The following NELL1 variants were observed in gnomAD, a reference collection of about 807,000 sequenced individuals.
NELL1 encodes the protein neural EGFL like 1.
A neutral mutation model predicts 107.4 loss-of-function variants in NELL1; 76 were observed. That is an observed-to-expected ratio of 0.71 (90% CI 0.59 to 0.86). The LOEUF (loss-of-function observed/expected upper bound fraction) is 0.86, where lower values mean the gene tolerates loss of function less well. Ranked by LOEUF, NELL1 falls within the 40% of genes least tolerant of loss-of-function variation. NELL1 has a pLI of 0.00. For synonymous variants in NELL1, 353 were observed against 341.2 expected (o/e 1.03, Z -0.38); for missense variants, 1,024 against 1,005.5 (o/e 1.02, Z -0.25).
intron 12 of NELL1, among the ~76,000 whole-genome samples, chr11:21,100,906 G>C (rs1408164520): frequency 6.6e-6 from 1 of 151,902 alleles, no homozygotes; most frequent in Non-Finnish European, 1.5e-5. Flanking sequence ...AGTTACATAT[G>C]TATACATGTG....
intron 7 of NELL1, among the ~76,000 whole-genome samples, chr11:20,925,315 C>G (rs56076989): frequency 1.3e-5 from 2 of 151,882 alleles, no homozygotes; most frequent in Non-Finnish European, 2.9e-5. Flanking sequence ...GAGTATCGCT[C>G]TGTTGCCCAG....
chr11:21,488,512 T>A (rs1374447807), intron 15 of NELL1, among the ~76,000 whole-genome samples: 1 of 152,028 alleles, frequency 6.6e-6, no homozygotes, highest in Non-Finnish European at 1.5e-5. Context: ...TGGTTACTAG[T>A]GGAGGCTGTG....
At chr11:20,705,773 A>G (rs1564871199) in intron 2 of NELL1, among the ~76,000 whole-genome samples, 1 of 150,994 alleles carries the variant, frequency 6.6e-6, no homozygotes, top group Admixed American at 6.6e-5. Flanking sequence ...TCATCTGACA[A>G]AGGGCTAATA....
chr11:20,938,359 G>T lies in NELL1; in HGVS notation c.1071+500G>T, dbSNP rs74976343. Among the ~76,000 whole-genome samples the T allele has an allele frequency of 4.5e-3, 689 of 152,250 alleles. 27 individuals carry two copies. The East Asian group carries it at 0.1, about 22-fold the overall frequency. ...AAAATGCATTAAGCAAATGCTGTAT[G>T]ACAGCATTATAGTAGGTTCTGGATA... On this transcript the variant is annotated intron_variant, in intron 10 of 19. Coordinates refer to ENST00000357134, the MANE Select transcript of NELL1 (RefSeq NM_006157.5).
chr11:21,157,167 G>A (rs967193667), intron 13 of NELL1, among the ~76,000 whole-genome samples: 28 of 150,818 alleles, frequency 1.9e-4, no homozygotes, highest in South Asian at 4.2e-4. Context: ...ATATATGTGT[G>A]TGTGTGTGTG....
At chr11:21,333,891 T>A (rs549042481) in intron 14 of NELL1, among the ~76,000 whole-genome samples, 1 of 152,184 alleles carries the variant, frequency 6.6e-6, no homozygotes, top group Admixed American at 6.5e-5. Context: ...GGAGTTGGTA[T>A]CACTGAATTG....
intron 13 of NELL1, among the ~76,000 whole-genome samples, chr11:21,195,546 T>C (rs1306191021): frequency 7.0e-6 from 1 of 142,842 alleles, no homozygotes; most frequent in Non-Finnish European, 1.5e-5. Flanking sequence ...TATAATTTTC[T>C]GTTAGCCACA....
chr11:21,261,990 G>T (rs1848543116), intron 14 of NELL1, among the ~76,000 whole-genome samples: 1 of 151,734 alleles, frequency 6.6e-6, no homozygotes, highest in Non-Finnish European at 1.5e-5. Flanking sequence ...CGTTAGGTTA[G>T]TATCGTTTAT....
At chr11:20,979,465 T>A (rs769646578) in intron 12 of NELL1, among the ~76,000 whole-genome samples, 12 of 152,222 alleles carry the variant, frequency 7.9e-5, no homozygotes, top group Non-Finnish European at 1.2e-4. Flanking sequence ...GCATGTTTTA[T>A]GATGTTCCCA....
chr11:21,007,322 T>C (rs1416522822), intron 12 of NELL1, among the ~76,000 whole-genome samples: 3 of 152,022 alleles, frequency 2.0e-5, no homozygotes, highest in Non-Finnish European at 1.5e-5. Flanking sequence ...GAAGACATAA[T>C]AACATGTGAC....
chr11:21,252,197 T>A (rs1320611153), intron 14 of NELL1, among the ~76,000 whole-genome samples: 2 of 152,172 alleles, frequency 1.3e-5, no homozygotes, highest in African/African-American at 4.8e-5. Flanking sequence ...CAGGTCTGAC[T>A]TCAAAGTTCA....
At chr11:21,561,695 G>T (rs1427386412) in intron 17 of NELL1, among the ~76,000 whole-genome samples, 1 of 151,984 alleles carries the variant, frequency 6.6e-6, no homozygotes, top group Non-Finnish European at 1.5e-5. Context: ...AAACCAGTTA[G>T]GTAACTGGTA....
chr11:20,676,215 T>C (rs1854051882), intron 1 of NELL1, among the ~76,000 whole-genome samples: 1 of 152,138 alleles, frequency 6.6e-6, no homozygotes, highest in Admixed American at 6.5e-5. Flanking sequence ...AGTTTCAGCT[T>C]GAAAGAAACT....
intron 5 of NELL1, among the ~76,000 whole-genome samples, chr11:20,906,478 A>G (rs1293111204): frequency 2.6e-5 from 4 of 152,108 alleles, no homozygotes; most frequent in Non-Finnish European, 5.9e-5. Flanking sequence ...GTGGAGAAAC[A>G]TTTCCTAACT....
At chr11:21,520,108 T>G (rs1855680555) in intron 15 of NELL1, among the ~76,000 whole-genome samples, 1 of 152,092 alleles carries the variant, frequency 6.6e-6, no homozygotes, top group Non-Finnish European at 1.5e-5. Flanking sequence ...GCTGTCAAAG[T>G]AGCATGATTT....
At chr11:21,362,356 C>G (rs1259519472) in intron 14 of NELL1, among the ~76,000 whole-genome samples, 1 of 152,178 alleles carries the variant, frequency 6.6e-6, no homozygotes, top group Non-Finnish European at 1.5e-5. Flanking sequence ...GTCTTCAAAT[C>G]TTCCAGCCAT....
chr11:20,689,738 A>C (rs1487415628), intron 2 of NELL1, among the ~76,000 whole-genome samples: 1 of 151,238 alleles, frequency 6.6e-6, no homozygotes, highest in Non-Finnish European at 1.5e-5. Flanking sequence ...TAGTGCCGCA[A>C]TAAACATACG....
chr11:21,459,388 T>G (rs1774093544), intron 15 of NELL1, among the ~76,000 whole-genome samples: 1 of 145,886 alleles, frequency 6.9e-6, no homozygotes, highest in Admixed American at 6.9e-5. Flanking sequence ...TTGAAAACTT[T>G]GAAGATGTTG....
intron 4 of NELL1, among the ~76,000 whole-genome samples, chr11:20,871,662 T>C (rs12295602): frequency 0.053 from 8,088 of 152,050 alleles, 282 homozygotes; most frequent in East Asian, 0.14. Flanking sequence ...GAAAAACCTC[T>C]AGAAACTGTC....
Sources: gnomAD v4.1 joint callset for allele counts (sites outside exome capture counted in the v4.1 genomes callset) on GRCh38, gnomAD v4.1.1 for gene constraint, MANE v1.5 for transcripts, NCBI Gene and HGNC (gene_info 2026-07-23, HGNC 2026-07-21) for gene names.